Variants in PDE12 observed in about 807,000 individuals in gnomAD.
The protein encoded by PDE12 is 2',5'-phosphodiesterase 12.
PDE12 carries 26 observed loss-of-function variants against 45.4 expected under a neutral mutation model. That is an observed-to-expected ratio of 0.57 (90% CI 0.42 to 0.79). The LOEUF (loss-of-function observed/expected upper bound fraction) is 0.79, where lower values mean the gene tolerates loss of function less well. Ranked by LOEUF, PDE12 falls within the 30% of genes least tolerant of loss-of-function variation. The pLI is 0.00. For missense variants in PDE12, 668 were observed against 790.0 expected (o/e 0.85, Z 1.85); for synonymous variants, 283 against 323.9 (o/e 0.87, Z 1.36).
chr3:57,572,423 T>C, the PDE12 span: 1 of 687,146 alleles, frequency 1.5e-6, no homozygotes, highest in Non-Finnish European at 2.4e-6. Flanking sequence ...CTCTCCCATA[T>C]TTAAAGCTAC....
the PDE12 span, among the ~76,000 whole-genome samples, chr3:57,603,145 C>T: frequency 1.3e-5 from 2 of 151,086 alleles, no homozygotes; most frequent in Non-Finnish European, 2.9e-5. Flanking sequence ...CTAGCCTGGG[C>T]AACACAGCGA....
chr3:57,648,460 A>T, the PDE12 span, among the ~76,000 whole-genome samples: 1 of 152,162 alleles, frequency 6.6e-6, no homozygotes, highest in Non-Finnish European at 1.5e-5. Flanking sequence ...AATTCCCATC[A>T]ATGCCCTCCT....
the PDE12 span, among the ~76,000 whole-genome samples, chr3:57,574,521 C>G: frequency 6.6e-6 from 1 of 151,844 alleles, no homozygotes; most frequent in Non-Finnish European, 1.5e-5. Flanking sequence ...ACAGTCCTCC[C>G]ACCTCAGCCT....
the PDE12 span, among the ~76,000 whole-genome samples, chr3:57,619,065 G>C: frequency 6.6e-6 from 1 of 152,006 alleles, no homozygotes; most frequent in African/African-American, 2.4e-5. Flanking sequence ...AAACTCTCAG[G>C]CAGGCCGGGT....
chr3:57,599,564 A>C, the PDE12 span, among the ~76,000 whole-genome samples: 11 of 152,322 alleles, frequency 7.2e-5, no homozygotes, highest in East Asian at 1.3e-3. Flanking sequence ...TTTTCTGTTT[A>C]GTTATGCAAA....
the PDE12 span, chr3:57,634,517 G>T: frequency 8.6e-7 from 1 of 1,160,122 alleles, no homozygotes; most frequent in South Asian, 2.0e-5. Flanking sequence ...TTACATACCT[G>T]AACAAGGAAA....
chr3:57,631,377 G>A, the PDE12 span, among the ~76,000 whole-genome samples: 1 of 151,950 alleles, frequency 6.6e-6, no homozygotes, highest in African/African-American at 2.4e-5. Flanking sequence ...TGTATTTTTA[G>A]TAGAGATGGG....
the PDE12 span, among the ~76,000 whole-genome samples, chr3:57,631,716 C>CT: frequency 0.026 from 2,352 of 91,894 alleles, 24 homozygotes; most frequent in African/African-American, 0.035. Context: ...TCTCTGCTCT[C>CT]TTTTTTTTTT....
the PDE12 span, chr3:57,628,409 C>G: frequency 9.1e-6 from 14 of 1,546,960 alleles, no homozygotes; most frequent in Non-Finnish European, 1.2e-5. Flanking sequence ...ACATTACATT[C>G]TCTAAATAAA....
rs199884710 is a variant in PDE12 at position 57,557,345 on chromosome 3, C to A, written c.966C>A (p.Ala322=). The change falls in exon 1 of 3, where the codon GCC becomes GCA. Residue 322 remains alanine (A), a synonymous_variant. Transcript: ENST00000311180. ...FSRTVLYPYC[A]PYALELDYRQ... ...GAACGGTTCTGTACCCATACTGTGC[C>A]CCCTACGCCCTGGAGCTCGACTACC... 1 of 1,613,920 alleles carries A rather than the reference C, an allele frequency of 6.2e-7. No homozygotes were observed. The highest frequency in any genetic ancestry group is 1.7e-5 in the Admixed American group (1 of 59,998).
rs1442564333 is a variant in PDE12 at position 57,562,309 on chromosome 3, G to C, written c.*2305G>C. The C allele has an allele frequency of 6.2e-6, 1 of 160,982 alleles. No individual in the cohort carries two copies. The highest frequency in any genetic ancestry group is 1.3e-5 in the Non-Finnish European group (1 of 76,186). 10.0% of individuals were successfully genotyped at this position (160,982 alleles called of 1,614,324 possible). On this transcript the variant is annotated 3_prime_UTR_variant, in exon 3 of 3. Transcript: ENST00000311180. ...TATATCCTTAATTTTGATGTTTTCT[G>C]ACTAAACAATATACTCAGATTGTAT...
chr3:57,610,867 C>T, the PDE12 span, among the ~76,000 whole-genome samples: 1 of 152,096 alleles, frequency 6.6e-6, no homozygotes, highest in African/African-American at 2.4e-5. Flanking sequence ...ACTTTCTTCA[C>T]AGAACTGGAA....
chr3:57,577,202 A>G, the PDE12 span: 3 of 829,410 alleles, frequency 3.6e-6, no homozygotes, highest in Admixed American at 4.7e-5. Context: ...GTTTATTTCT[A>G]GCCCCCCCAA....
chr3:57,638,312 A>AAT, the PDE12 span, among the ~76,000 whole-genome samples: 8,788 of 151,892 alleles, frequency 0.058, 380 homozygotes, highest in Non-Finnish European at 0.093. Flanking sequence ...CAACTCTATT[A>AAT]AAAGTGGGCA....
chr3:57,632,021 C>CTTTTTT, the PDE12 span, among the ~76,000 whole-genome samples: 2 of 96,032 alleles, frequency 2.1e-5, no homozygotes, highest in East Asian at 3.1e-4. Context: ...CGCGCCCGGC[C>CTTTTTT]TTTTTTTTTT....
chr3:57,582,139 T>TA, the PDE12 span, among the ~76,000 whole-genome samples: 7 of 152,258 alleles, frequency 4.6e-5, no homozygotes, highest in Non-Finnish European at 8.8e-5. Context: ...ATAAGGAATG[T>TA]TCACCTTGTA....
Position 57,556,743 on chromosome 3 carries a change from G to A in PDE12, c.364G>A (p.Val122Met), listed in dbSNP as rs1437668216. The stretch of plus-strand genomic sequence containing the variant: ...TGAGCCGGCTGTGTTCTGCGAGCCC[G>A]TGGTGAAGCTGTACTACCGGGAAGA... ...GPEPAVFCEP[V>M]VKLYYREEAV... The change falls in exon 1 of 3, where the codon GTG becomes ATG. Residue 122 changes from valine to methionine, a missense_variant. By Grantham distance (21) the Val-to-Met change is conservative. Transcript: ENST00000311180. The surrounding 1 kb of genome is among the most constrained non-coding windows in gnomAD (Gnocchi z 5.0). 1.9e-6 allele frequency: 3 copies of A among 1,598,612 alleles called. No homozygotes were observed. The highest frequency in any genetic ancestry group is 3.4e-5 in the Admixed American group (2 of 59,580).
the PDE12 span, among the ~76,000 whole-genome samples, chr3:57,647,646 A>G: frequency 6.6e-6 from 1 of 152,182 alleles, no homozygotes; most frequent in African/African-American, 2.4e-5. Context: ...ACCACCTGGC[A>G]TAAGGTGTCA....
chr3:57,589,172 ATGGGAGGATCAC>A, the PDE12 span, among the ~76,000 whole-genome samples: 1 of 151,688 alleles, frequency 6.6e-6, no homozygotes, highest in East Asian at 1.9e-4. Flanking sequence ...TGAGGCTGAG[ATGGGAGGATCAC>A]TTGACCCCAG....
Sources: allele counts gnomAD v4.1 joint callset (sites outside exome capture counted in the v4.1 genomes callset), GRCh38; gene constraint gnomAD v4.1.1; non-coding constraint Gnocchi (gnomAD v3.1); transcripts MANE v1.5; gene names NCBI Gene and HGNC (gene_info 2026-07-23, HGNC 2026-07-21).